The following LTBP2 variants were observed in gnomAD, a reference collection of about 807,000 sequenced individuals.
LTBP2 encodes latent-transforming growth factor beta-binding protein 2.
Under a neutral mutation model 210.6 loss-of-function variants are expected in LTBP2, and 103 were observed. The ratio of observed to expected loss-of-function variants is 0.49; its 90% CI spans 0.42 to 0.58. The LOEUF (loss-of-function observed/expected upper bound fraction) is 0.58. Ranked by LOEUF, LTBP2 falls within the 20% of genes least tolerant of loss-of-function variation. The probability of loss-of-function intolerance (pLI) is 0.00; values close to 1 mark genes in which losing one functional copy is unlikely to be tolerated. For synonymous variants in LTBP2, 1,007 were observed against 1,015.0 expected (o/e 0.99, Z 0.15); for missense variants, 2,313 against 2,494.5 (o/e 0.93, Z 1.55).
intron 4 of LTBP2, 106 bp downstream of exon 4, chr14:74,555,397 A>G: frequency 4.3e-6 from 5 of 1,151,748 alleles, no homozygotes; most frequent in South Asian, 1.3e-5. Flanking sequence ...AATGAGGGAC[A>G]AGGTGACAAC....
In LTBP2 at chr14:74,499,538, A is replaced by G. The variant is rs1468379691; in HGVS notation, c.*1346T>C. On this transcript the variant is annotated 3_prime_UTR_variant, in exon 36 of 36. Transcript: ENST00000261978. ...TAGCATTCACTTCCATGCTCCAGTC[A>G]CATGGAGCCTTGTTCATTTACATTG... 1 of 229,196 alleles carries G rather than the reference A, an allele frequency of 4.4e-6. No homozygotes were observed. The highest frequency in any genetic ancestry group is 6.2e-5 in the East Asian group (1 of 16,068). 14.2% of individuals were successfully genotyped at this position (229,196 alleles called of 1,614,324 possible).
intron 3 of LTBP2, among the ~76,000 whole-genome samples, chr14:74,566,079 T>G (rs968264857): frequency 2.6e-5 from 4 of 152,136 alleles, no homozygotes; most frequent in African/African-American, 9.7e-5. Flanking sequence ...GGTTTTTTTT[T>G]TTAATTTTTT....
rs1458798540 is a variant in LTBP2 at position 74,516,808 on chromosome 14, T to G, written c.2908+14A>C. ...GTGGGGTGGCAGGGCGCTTCCCTCC[T>G]TCCCGTTCCTTACCTTGGCAGTGTC... On this transcript the variant is annotated intron_variant, in intron 18 of 35. Coordinates refer to ENST00000261978, the MANE Select transcript of LTBP2 (RefSeq NM_000428.3). 4 of 1,551,462 alleles carry G rather than the reference T, an allele frequency of 2.6e-6. No individual in the cohort carries two copies. In the Admixed American group the frequency reaches 5.9e-5, roughly 23 times the overall value.
At chr14:74,509,130 A>G (rs1416890260) in intron 22 of LTBP2, 108 bp downstream of exon 22, 10 of 1,582,646 alleles carry the variant, frequency 6.3e-6, no homozygotes. Flanking sequence ...GGGGAGCGGG[A>G]TGATGGCAGC....
At position 74,507,098 on chromosome 14, in the gene LTBP2, G is replaced by A. The variant is rs75420848; in HGVS notation, c.3907+81C>T. The stretch of plus-strand genomic sequence containing the variant: ...TCAGCTGCAAAAAATCGTGTCCTCA[G>A]GAGAAAATCATGTCTCGCTCAATAT... On this transcript the variant is annotated intron_variant, in intron 26 of 35. Transcript: ENST00000261978. 4,378 of 1,610,084 alleles carry A rather than the reference G, an allele frequency of 2.7e-3. 113 individuals carry two copies. In the African/African-American group the frequency reaches 0.052, roughly 19 times the overall value.
At chr14:74,550,054 A>T in intron 7 of LTBP2, 89 bp from the exon 8 acceptor site, 1 of 852,348 alleles carries the variant, frequency 1.2e-6, no homozygotes, top group Non-Finnish European at 2.0e-6. Flanking sequence ...TAGGACACAG[A>T]GCTCACTCCC....
At chr14:74,605,457 G>T (rs2088511520) in intron 1 of LTBP2, among the ~76,000 whole-genome samples, 1 of 152,206 alleles carries the variant, frequency 6.6e-6, no homozygotes, top group Non-Finnish European at 1.5e-5. Context: ...CATGTCACGG[G>T]GGTCAGGGAA....
In LTBP2 at chr14:74,529,120, C is replaced by T. The variant is rs1671826377; in HGVS notation, c.1990G>A (p.Asp664Asn). 6.4e-7 allele frequency: 1 copy of T among 1,551,562 alleles called. No homozygotes were observed. The change falls in exon 11 of 36, where the codon GAC becomes AAC. Residue 664 changes from aspartate (D) to asparagine (N), a missense_variant and splice_region_variant. Asp to Asn is a conservative substitution (Grantham distance 23, BLOSUM62 1). Coordinates refer to ENST00000261978, the MANE Select transcript of LTBP2 (RefSeq NM_000428.3). ...CCCTGCAGCATGGAGATTGCCTTGT[C>T]CGCTGCAACAGACACAGCACGTGGA... ...LDPSRSRCVS[D>N]KAISMLQGLC...
At chr14:74,572,743 C>CCA (rs1566644932) in intron 3 of LTBP2, among the ~76,000 whole-genome samples, 1 of 152,006 alleles carries the variant, frequency 6.6e-6, no homozygotes, top group African/African-American at 2.4e-5. Flanking sequence ...CCACGCCCCG[C>CCA]CACACACACA....
Position 74,612,048 on chromosome 14 carries a change from A to T in LTBP2, c.-104T>A. ...GTTCTCCCGGCCCCGCCCGGCGGCC[A>T]GCTTCTCTGAGTCTAGGGGGCCCTG... On this transcript the variant is annotated 5_prime_UTR_variant, in exon 1 of 36. Coordinates refer to ENST00000261978, the MANE Select transcript of LTBP2 (RefSeq NM_000428.3). 2 of 1,280,506 alleles carry T rather than the reference A, an allele frequency of 1.6e-6. No individual in the cohort carries two copies. Among genetic ancestry groups the T allele is most frequent in the South Asian group, 3.3e-5 (2 of 59,712 alleles). The allele number at this position is 1,280,506 out of a possible 1,614,324, so 79.3% of individuals were successfully genotyped here.
At chr14:74,570,535 G>T (rs144044501) in intron 3 of LTBP2, among the ~76,000 whole-genome samples, 115 of 152,320 alleles carry the variant, frequency 7.5e-4, no homozygotes, top group African/African-American at 2.8e-3. Context: ...AGATTTCTAT[G>T]GGAACTAGGG....
chr14:74,543,939 G>T (rs920354082), intron 8 of LTBP2, among the ~76,000 whole-genome samples: 1 of 152,184 alleles, frequency 6.6e-6, no homozygotes, highest in Admixed American at 6.5e-5. Context: ...TCAGACCCCT[G>T]GCTCAGGCAG....
chr14:74,583,105 G>A (rs2088159050), intron 3 of LTBP2, among the ~76,000 whole-genome samples: 1 of 152,168 alleles, frequency 6.6e-6, no homozygotes, highest in Non-Finnish European at 1.5e-5. Flanking sequence ...CCTGCCTGCT[G>A]CCTGGGACAC....
chr14:74,513,079 G>T (rs1338108037), intron 18 of LTBP2, among the ~76,000 whole-genome samples: 1 of 152,254 alleles, frequency 6.6e-6, no homozygotes, highest in Admixed American at 6.5e-5. Flanking sequence ...TGAAGTCTTT[G>T]GACCTTTCCT....
intron 2 of LTBP2, among the ~76,000 whole-genome samples, chr14:74,597,980 T>C (rs987749116): frequency 1.7e-4 from 26 of 152,350 alleles, no homozygotes; most frequent in Middle Eastern, 3.4e-3. Context: ...CTGCGCTCAC[T>C]GCTTTACATG....
intron 3 of LTBP2, among the ~76,000 whole-genome samples, chr14:74,565,648 C>T (rs763812281): frequency 1.3e-5 from 2 of 152,060 alleles, no homozygotes; most frequent in South Asian, 2.1e-4. Context: ...GATGGAAACA[C>T]CCAGGAGGCA....
intron 3 of LTBP2, among the ~76,000 whole-genome samples, chr14:74,577,669 C>T (rs1298738857): frequency 6.6e-6 from 1 of 151,972 alleles, no homozygotes; most frequent in East Asian, 1.9e-4. Flanking sequence ...CCACCATACC[C>T]AGCTAATTTT....
At chr14:74,517,376 G>A (rs752609325) in intron 17 of LTBP2, among the ~76,000 whole-genome samples, 10 of 151,288 alleles carry the variant, frequency 6.6e-5, no homozygotes, top group Non-Finnish European at 1.0e-4. Flanking sequence ...TTATTGAGAC[G>A]GAGTTTCGCT....
At position 74,510,100 on chromosome 14, in the gene LTBP2, C is replaced by A. The variant is rs774280218; in HGVS notation, c.3142G>T (p.Gly1048Cys). The part of the protein sequence containing the change: ...QGYEVTSDEK[G>C]CQDVDECASR... ...TTCAGCATCTCTGTACCTTGGCAGC[C>A]CTTCTCATCTGAGGTGACCTCATAG... is the stretch of plus-strand genomic sequence containing the variant. The change falls in exon 20 of 36, where the codon GGC becomes TGC. Residue 1048 changes from glycine to cysteine, a missense_variant. By Grantham distance (159) the Gly-to-Cys change is radical (BLOSUM62 -3). This residue lies in a region of LTBP2 where 1,867 missense variants were observed against 1,976.9 expected (regional missense o/e 0.94). Transcript: ENST00000261978. 4.3e-6 allele frequency: 7 copies of A among 1,613,968 alleles called. No individual in the cohort carries two copies. The Admixed American group carries it at 1.2e-4, about 27-fold the overall frequency.
Sources: gnomAD v4.1 joint callset for allele counts (sites outside exome capture counted in the v4.1 genomes callset) on GRCh38, gnomAD v4.1.1 for gene constraint, gnomAD v4.1.1 regional missense constraint, MANE v1.5 for transcripts, NCBI Gene and HGNC (gene_info 2026-07-23, HGNC 2026-07-21) for gene names.